The following CAMK1D variants were observed in gnomAD, a reference collection of about 807,000 sequenced individuals.
CAMK1D encodes the protein calcium/calmodulin dependent protein kinase ID.
A neutral mutation model predicts 47.7 loss-of-function variants in CAMK1D; 9 were observed. That is an observed-to-expected ratio of 0.19 (90% CI 0.11 to 0.33). CAMK1D has a LOEUF of 0.33. CAMK1D is among the 10% of genes least tolerant of loss of function. The probability of loss-of-function intolerance (pLI) is 1.00; values close to 1 mark genes in which losing one functional copy is unlikely to be tolerated. For missense variants in CAMK1D, 291 were observed against 488.7 expected (o/e 0.60, Z 3.81); for synonymous variants, 184 against 184.9 (o/e 0.99, Z 0.04).
intron 1 of CAMK1D, among the ~76,000 whole-genome samples, chr10:12,406,692 C>T (rs1186812045): frequency 1.6e-5 from 2 of 127,726 alleles, no homozygotes; most frequent in Non-Finnish European, 3.1e-5. Context: ...CACTACACTC[C>T]AGCCTGGGTG....
chr10:12,605,413 G>A (rs1032541514), intron 2 of CAMK1D, among the ~76,000 whole-genome samples: 9 of 150,654 alleles, frequency 6.0e-5, no homozygotes, highest in Non-Finnish European at 1.2e-4. Flanking sequence ...ACACCCCTTG[G>A]CCAGAACTTC....
intron 2 of CAMK1D, among the ~76,000 whole-genome samples, chr10:12,569,611 C>T (rs575056193): frequency 2.1e-5 from 3 of 144,962 alleles, no homozygotes; most frequent in African/African-American, 7.7e-5. Flanking sequence ...CCCAGCTACT[C>T]GGGAAGCTGA....
At chr10:12,456,173 G>T (rs1229417540) in intron 1 of CAMK1D, among the ~76,000 whole-genome samples, 1 of 152,186 alleles carries the variant, frequency 6.6e-6, no homozygotes, top group African/African-American at 2.4e-5. Context: ...TAGGTTTGGG[G>T]ATCCCCTGAA....
chr10:12,788,665 C>T (rs1398445522), intron 5 of CAMK1D, among the ~76,000 whole-genome samples: 1 of 152,222 alleles, frequency 6.6e-6, no homozygotes, highest in Non-Finnish European at 1.5e-5. Context: ...GAGCATGCCT[C>T]CTAAATCAGA....
intron 3 of CAMK1D, among the ~76,000 whole-genome samples, chr10:12,691,392 TATATATATATAAATATATATATATATATA>T (rs1832902503): frequency 1.4e-4 from 1 of 7,102 alleles, no homozygotes; most frequent in African/African-American, 5.1e-4. Flanking sequence ...TATATATATA[TATATATATATAAATATATATATATATATA>T]TTTTTTTTTT....
intron 1 of CAMK1D, among the ~76,000 whole-genome samples, chr10:12,517,827 T>G (rs1408136512): frequency 6.6e-6 from 1 of 152,194 alleles, no homozygotes; most frequent in Non-Finnish European, 1.5e-5. Flanking sequence ...TTGGTACTAT[T>G]TTATATTCCT....
At position 12,677,727 on chromosome 10, in the gene CAMK1D, A is replaced by G. The variant is rs114065605; in HGVS notation, c.299+10917A>G. On this transcript the variant is annotated intron_variant, in intron 3 of 10. Coordinates refer to ENST00000619168, the MANE Select transcript of CAMK1D (RefSeq NM_153498.4). ...TCTATGAGGGGCTTTGTCTGAGAGG[A>G]GGGCTGAGTCTATGAGGGACTTTGT... 4.4e-3 allele frequency among the ~76,000 whole-genome samples: 670 copies of G among 152,122 alleles called. 8 individuals carry two copies. Among genetic ancestry groups the G allele is most frequent in the African/African-American group, 0.015 (636 of 41,508 alleles).
rs539965707 is a variant in CAMK1D, at chr10:12,443,676, C to G, written c.92+93766C>G. Among the ~76,000 whole-genome samples the G allele has an allele frequency of 8.4e-4, 128 of 152,114 alleles. 1 individual carries two copies. The highest frequency in any genetic ancestry group is 2.9e-3 in the African/African-American group (119 of 41,502). On this transcript the variant is annotated intron_variant, in intron 1 of 10. Transcript: ENST00000619168. Reference sequence around the variant, plus strand: ...ACGGAGTCTCGTTCTTTTGCCCAGGCTGGAGTAAAGTGGAGTGATCTTGGC... The same window carrying G: ...ACGGAGTCTCGTTCTTTTGCCCAGGGTGGAGTAAAGTGGAGTGATCTTGGC...
At chr10:12,753,207 G>A (rs1464800537) in intron 3 of CAMK1D, among the ~76,000 whole-genome samples, 1 of 152,220 alleles carries the variant, frequency 6.6e-6, no homozygotes, top group African/African-American at 2.4e-5. Context: ...AGCAGAGATC[G>A]TGCCACTGCA....
chr10:12,383,585 A>T (rs1042112347), intron 1 of CAMK1D, among the ~76,000 whole-genome samples: 2 of 152,144 alleles, frequency 1.3e-5, no homozygotes, highest in African/African-American at 4.8e-5. Flanking sequence ...TCTCTTTCTT[A>T]CCTAGTACAA....
intron 3 of CAMK1D, among the ~76,000 whole-genome samples, chr10:12,669,342 C>T (rs1054297100): frequency 6.6e-6 from 1 of 152,048 alleles, no homozygotes; most frequent in African/African-American, 2.4e-5. Flanking sequence ...TGTTGGGGGA[C>T]ATCGTATGAG....
At position 12,833,101 on chromosome 10, in the gene CAMK1D, G is replaced by A. The variant is rs570228243; in HGVS notation, c.*4214G>A. 159 of 152,570 alleles carry A rather than the reference G, an allele frequency of 1.0e-3. No homozygotes were observed. The highest frequency in any genetic ancestry group is 3.4e-3 in the Middle Eastern group (1 of 298). The allele number at this position is 152,570 out of a possible 1,614,324, so 9.5% of individuals were successfully genotyped here. ...AGCCTGGGTGACAGAGCAAGACTCC[G>A]TCTCAAAAAAGATGGCCATGCTGGC... is the stretch of plus-strand genomic sequence containing the variant. On this transcript the variant is annotated 3_prime_UTR_variant, in exon 11 of 11. Transcript: ENST00000619168.
chr10:12,420,774 T>C (rs1179200968), intron 1 of CAMK1D, among the ~76,000 whole-genome samples: 2 of 152,156 alleles, frequency 1.3e-5, no homozygotes, highest in Non-Finnish European at 2.9e-5. Context: ...TTCTCTCCTA[T>C]AAAATGAAAT....
rs5783273 is a variant in CAMK1D, at chr10:12,557,551, CAAAAAAAAAA to C, written c.224+4205_224+4214del. Among the ~76,000 whole-genome samples the C allele has an allele frequency of 4.7e-5, 4 of 84,438 alleles. No individual in the cohort carries two copies. The East Asian group carries it at 1.2e-3, about 25-fold the overall frequency. The allele number at this position is 84,438 out of a possible 152,430, so 55.4% of individuals were successfully genotyped here. A position where few individuals can be genotyped will look rare whatever the true frequency, so the allele number is the denominator to read the frequency against. ...TGGGCGACAGAGCGAGACTCCATCT[CAAAAAAAAAA>C]AAAAAAAAAGAAAAAAGAAAAAAGT... On this transcript the variant is annotated intron_variant, in intron 2 of 10. Transcript: ENST00000619168.
chr10:12,828,489 A>T (rs996099886), intron 10 of CAMK1D, among the ~76,000 whole-genome samples: 1 of 152,000 alleles, frequency 6.6e-6, no homozygotes, highest in Non-Finnish European at 1.5e-5. Flanking sequence ...AAAAATACAA[A>T]AATTAGCCCG....
At chr10:12,361,545 CTTTT>C (rs36015215) in intron 1 of CAMK1D, among the ~76,000 whole-genome samples, 19 of 63,082 alleles carry the variant, frequency 3.0e-4, no homozygotes, top group Admixed American at 4.8e-4. Context: ...GTGCCTGGCC[CTTTT>C]TTTTTTTTTT....
intron 1 of CAMK1D, among the ~76,000 whole-genome samples, chr10:12,373,027 G>C (rs1361224921): frequency 6.6e-6 from 1 of 152,188 alleles, no homozygotes; most frequent in Non-Finnish European, 1.5e-5. Context: ...CACTTCCCGG[G>C]TGGCCACCAG....
chr10:12,616,112 A>T (rs960732692), intron 2 of CAMK1D, among the ~76,000 whole-genome samples: 3 of 151,366 alleles, frequency 2.0e-5, no homozygotes, highest in African/African-American at 7.3e-5. Context: ...GCGTGTGTGT[A>T]TGTGGGTGTG....
chr10:12,753,838 C>T (rs1025614286), intron 3 of CAMK1D, among the ~76,000 whole-genome samples: 1 of 152,124 alleles, frequency 6.6e-6, no homozygotes, highest in Admixed American at 6.5e-5. Context: ...TGGGCCTTGG[C>T]TGCCCACTGG....
Sources: allele counts gnomAD v4.1 joint callset (sites outside exome capture counted in the v4.1 genomes callset), GRCh38; gene constraint gnomAD v4.1.1; transcripts MANE v1.5; gene names NCBI Gene and HGNC (gene_info 2026-07-23, HGNC 2026-07-21).